Variants in EML2 observed in about 807,000 individuals in gnomAD.
EML2 encodes EMAP like 2.
EML2 carries 59 observed loss-of-function variants against 84.7 expected under a neutral mutation model. The ratio of observed to expected loss-of-function variants is 0.70; its 90% CI spans 0.56 to 0.86. The LOEUF is 0.86. EML2 is among the 40% of genes least tolerant of loss of function. The pLI is 0.00. For missense variants in EML2, 818 were observed against 855.6 expected (o/e 0.96, Z 0.55); for synonymous variants, 352 against 348.9 (o/e 1.01, Z -0.10).
chr19:45,622,400 C>T (rs1971817789), intron 9 of EML2, among the ~76,000 whole-genome samples: 1 of 152,070 alleles, frequency 6.6e-6, no homozygotes, highest in African/African-American at 2.4e-5. Flanking sequence ...TTTGCCCTCT[C>T]TCGTTTTGTT....
intron 12 of EML2, among the ~76,000 whole-genome samples, chr19:45,618,564 T>G (rs1971346463): frequency 6.6e-6 from 1 of 151,818 alleles, no homozygotes; most frequent in Non-Finnish European, 1.5e-5. Flanking sequence ...CGTCCTGGGC[T>G]CCCTTCCAGT....
chr19:45,634,537 A>T lies in EML2; in HGVS notation c.180-66T>A, dbSNP rs1198005030. On this transcript the variant is annotated intron_variant, in intron 3 of 18. Coordinates refer to ENST00000245925, the MANE Select transcript of EML2 (RefSeq NM_012155.4). ...GTTGTTGTTTGTTTGTTTTGTTTTT[A>T]TTTATTTATTTATTTTTAATTTTTT... The T allele has an allele frequency of 6.1e-6, 7 of 1,144,042 alleles. No individual in the cohort carries two copies. In the African/African-American group the frequency reaches 1.2e-4, roughly 20 times the overall value. The allele number at this position is 1,144,042 out of a possible 1,614,324, so 70.9% of individuals were successfully genotyped here.
Position 45,624,642 on chromosome 19 carries a change from A to G in EML2, c.841+77T>C, listed in dbSNP as rs1972089135. 4.7e-6 allele frequency: 5 copies of G among 1,066,902 alleles called. No homozygotes were observed. In the East Asian group the frequency reaches 1.3e-4, roughly 27 times the overall value. 66.1% of individuals were successfully genotyped at this position (1,066,902 alleles called of 1,614,324 possible). Reference sequence around the variant, plus strand: ...ATTTACACTCATTTCACACAAGCAGAATTCCACGAAGGGAGGCAGAGCCAG... The same window carrying G: ...ATTTACACTCATTTCACACAAGCAGGATTCCACGAAGGGAGGCAGAGCCAG... On this transcript the variant is annotated intron_variant, in intron 9 of 18. Coordinates refer to ENST00000245925, the MANE Select transcript of EML2 (RefSeq NM_012155.4).
intron 7 of EML2, 98 bp from the exon 8 acceptor site, chr19:45,626,937 G>T: frequency 1.6e-5 from 18 of 1,099,886 alleles, no homozygotes; most frequent in African/African-American, 3.3e-5. Flanking sequence ...TGTTTGTGTT[G>T]TATGCTGCAC....
chr19:45,637,661 TCTTTTC>T (rs1568486676), intron 3 of EML2, among the ~76,000 whole-genome samples: 4 of 85,164 alleles, frequency 4.7e-5, no homozygotes, highest in Non-Finnish European at 8.2e-5. Context: ...TTTTTCTTTT[TCTTTTC>T]TTTTTTTTTT....
chr19:45,638,276 G>C (rs1177082999), intron 3 of EML2, among the ~76,000 whole-genome samples: 2 of 152,188 alleles, frequency 1.3e-5, no homozygotes, highest in African/African-American at 4.8e-5. Flanking sequence ...CAGAGCCCGG[G>C]CTTCCAGCCA....
chr19:45,623,991 A>C (rs764137240), intron 9 of EML2, among the ~76,000 whole-genome samples: 4 of 152,200 alleles, frequency 2.6e-5, no homozygotes, highest in Non-Finnish European at 4.4e-5. Context: ...GCCTCAACCC[A>C]TTAGTTTGTT....
At chr19:45,642,512 T>G (rs1333290632), upstream of EML2, 1 of 1,417,816 alleles carries the variant, frequency 7.1e-7, no homozygotes. Flanking sequence ...GGAAGAGGAC[T>G]CTGAAGGGGG....
chr19:45,618,470 T>TG (rs1971331512), intron 12 of EML2, among the ~76,000 whole-genome samples: 1 of 152,100 alleles, frequency 6.6e-6, no homozygotes, highest in African/African-American at 2.4e-5. Flanking sequence ...ACTTGACTGT[T>TG]GCAGCGGTCA....
chr19:45,627,620 T>A (rs969863282), intron 7 of EML2, among the ~76,000 whole-genome samples: 3 of 152,268 alleles, frequency 2.0e-5, no homozygotes, highest in East Asian at 3.9e-4. Context: ...CATTATCATC[T>A]TCTTCATCAT....
At position 45,638,494 on chromosome 19, in the gene EML2, C is replaced by T; in HGVS notation, c.179+11G>A. 1.2e-6 allele frequency: 2 copies of T among 1,613,944 alleles called. No individual in the cohort carries two copies. The highest frequency in any genetic ancestry group is 8.5e-7 in the Non-Finnish European group (1 of 1,180,016). ...GATGGGAGCACCAAGGAGATTCCAG[C>T]AAAAGGATACACCCACTCCAGCTTG... On this transcript the variant is annotated intron_variant, in intron 3 of 18. Transcript: ENST00000245925.
At chr19:45,642,310 C>A, upstream of EML2, 1 of 1,535,808 alleles carries the variant, frequency 6.5e-7, no homozygotes, top group Non-Finnish European at 8.7e-7. Context: ...CGCCGACACG[C>A]GGTCGTCCAC....
chr19:45,638,162 A>G (rs1239298109), intron 3 of EML2, among the ~76,000 whole-genome samples: 1 of 152,132 alleles, frequency 6.6e-6, no homozygotes, highest in East Asian at 1.9e-4. Flanking sequence ...AGGTCTATGG[A>G]CCTGAGATCA....
At chr19:45,642,087 C>T (rs1389856741), upstream of EML2, 5 of 1,456,138 alleles carry the variant, frequency 3.4e-6, no homozygotes, top group Admixed American at 2.6e-5. Context: ...GTATAAGGAC[C>T]AGGCCCCGGT....
At chr19:45,614,763 T>C in intron 16 of EML2, 63 bp from the exon 17 acceptor site, 1 of 1,364,690 alleles carries the variant, frequency 7.3e-7, no homozygotes, top group South Asian at 1.2e-5. Context: ...ACCCATCCCT[T>C]TCTTAGACAA....
intron 4 of EML2, among the ~76,000 whole-genome samples, chr19:45,633,879 CT>C (rs771116428): frequency 4.6e-5 from 7 of 152,170 alleles, no homozygotes; most frequent in Non-Finnish European, 1.0e-4. Context: ...CAAAGTGCTG[CT>C]TTCACAGGCG....
intron 11 of EML2, chr19:45,620,985 G>A (rs1172761522): frequency 1.5e-6 from 1 of 674,182 alleles, no homozygotes; most frequent in Non-Finnish European, 2.7e-6. Flanking sequence ...AGTGGCAGGA[G>A]GCAGCACAGT....
At chr19:45,626,584 A>G in intron 8 of EML2, 121 bp downstream of exon 8, 1 of 1,139,648 alleles carries the variant, frequency 8.8e-7, no homozygotes, top group Non-Finnish European at 1.2e-6. Context: ...CCAGCAGGCA[A>G]CATCTCAGCG....
chr19:45,642,141 A>C (rs943405715), upstream of EML2: 23 of 1,506,450 alleles, frequency 1.5e-5, no homozygotes, highest in Non-Finnish European at 1.9e-5. Context: ...TACCCGAGGC[A>C]GTGGTGCCTA....
Sources: gnomAD v4.1 joint callset for allele counts (sites outside exome capture counted in the v4.1 genomes callset) on GRCh38, gnomAD v4.1.1 for gene constraint, MANE v1.5 for transcripts, NCBI Gene and HGNC (gene_info 2026-07-23, HGNC 2026-07-21) for gene names.